SACS: variants seen among roughly 807,000 people sequenced by gnomAD.
SACS encodes the protein sacsin.
In SACS, 197 loss-of-function variants were observed where a neutral mutation model predicts 348.0. The ratio of observed to expected loss-of-function variants is 0.57; its 90% confidence interval spans 0.50 to 0.64. The LOEUF is 0.64. Among genes scored for constraint, SACS ranks in the 30% least tolerant of loss-of-function variants. SACS has a pLI of 0.00. For missense variants in SACS, 4,999 were observed against 5,360.8 expected (o/e 0.93, Z 2.11); for synonymous variants, 1,985 against 1,910.6 (o/e 1.04, Z -1.02).
At position 23,340,944 on chromosome 13, in the gene SACS, C is replaced by A; in HGVS notation, c.2932G>T (p.Ala978Ser). 6.2e-7 allele frequency: 1 copy of A among 1,613,972 alleles called. No individual in the cohort carries two copies. The highest frequency in any genetic ancestry group is 8.5e-7 in the Non-Finnish European group (1 of 1,179,888). ...DSSDEATIRL[A>S]NMLKIEQLKT... ...AACTGTTCTATTTTCAACATGTTTG[C>A]CAGACGAATAGTAGCTTCATCACTA... Residue 978 changes from alanine (A) to serine (S), a missense_variant, in exon 10 of 10, where the codon GCA (alanine) becomes TCA (serine). Ala to Ser is a moderately conservative substitution (Grantham distance 99). Transcript: ENST00000382292.
Position 23,332,500 on chromosome 13 carries a change from T to G in SACS, c.11376A>C (p.Arg3792=), listed in dbSNP as rs1883544819. 1 of 1,613,868 alleles carries G rather than the reference T, an allele frequency of 6.2e-7. No homozygotes were observed. Among genetic ancestry groups the G allele is most frequent in the South Asian group, 1.1e-5 (1 of 91,072 alleles). The change falls in exon 10 of 10, where the codon CGA becomes CGC. Residue 3792 remains arginine, a synonymous_variant. Transcript: ENST00000382292. Reference sequence around the variant, plus strand: ...CTTCTACCATCACAAAAGCAACCCCTCGCAACTGAAAACGAAATTCCCTTT... The same window carrying G: ...CTTCTACCATCACAAAAGCAACCCCGCGCAACTGAAAACGAAATTCCCTTT... ...AEKREFRFQL[R]GVAFVMVEDG...
rs1425494858 is a variant in SACS at position 23,329,890 on chromosome 13, C to T, written c.*246G>A. ...TATAAAGTGCAGTTCAATGATGTAT[C>T]ATCCCAATCATTCAAATCCATCCAG... On this transcript the variant is annotated 3_prime_UTR_variant, in exon 10 of 10. Transcript: ENST00000382292. 9 of 549,258 alleles carry T rather than the reference C, an allele frequency of 1.6e-5. No homozygotes were observed. The highest frequency in any genetic ancestry group is 2.9e-5 in the Non-Finnish European group (9 of 307,514). 34.0% of individuals were successfully genotyped at this position (549,258 alleles called of 1,614,324 possible). A position where few individuals can be genotyped will look rare whatever the true frequency, so the allele number is the denominator to read the frequency against.
rs1470127738 is a variant in SACS at position 23,332,531 on chromosome 13, G to A, written c.11345C>T (p.Ala3782Val). Reference protein sequence around the residue: ...VLRSIYEFLSAEKREFRFQLR... With the variant: ...VLRSIYEFLSVEKREFRFQLR... ...CTGAAAACGAAATTCCCTTTTTTCTGCACTGAGGAATTCATATATGCTCCT... is the reference window on the plus strand; with the variant it reads ...CTGAAAACGAAATTCCCTTTTTTCTACACTGAGGAATTCATATATGCTCCT... The change falls in exon 10 of 10, where the codon GCA becomes GTA. Residue 3782 changes from alanine to valine, a missense_variant. This residue lies in a region of SACS where 831 missense variants were observed against 941.8 expected (regional missense o/e 0.88). Transcript: ENST00000382292. 3 of 1,613,862 alleles carry A rather than the reference G, an allele frequency of 1.9e-6. No individual in the cohort carries two copies. Among genetic ancestry groups the A allele is most frequent in the East Asian group, 2.2e-5 (1 of 44,872 alleles).
Position 23,329,285 on chromosome 13 carries a change from CAA to C in SACS, c.*849_*850del, listed in dbSNP as rs1447515178. On this transcript the variant is annotated 3_prime_UTR_variant, in exon 10 of 10. Coordinates refer to ENST00000382292, the MANE Select transcript of SACS (RefSeq NM_014363.6). ...TTTTAACTGCAGCACCTTTAGACAA[CAA>C]AAGATTGCATCCTGTTCAACCACAC... 4 of 571,344 alleles carry C rather than the reference CAA, an allele frequency of 7.0e-6. No homozygotes were observed. The highest frequency in any genetic ancestry group is 6.2e-6 in the Non-Finnish European group (2 of 321,092). 35.4% of individuals were successfully genotyped at this position (571,344 alleles called of 1,614,324 possible). A position where few individuals can be genotyped will look rare whatever the true frequency, so the allele number is the denominator to read the frequency against.
Position 23,365,174 on chromosome 13 carries a change from G to A in SACS, c.449C>T (p.Pro150Leu), listed in dbSNP as rs1834980926. The part of the protein sequence containing the change: ...TETLWSKDMA[P>L]YQGPALYVYN... ...TAATTATTGATTCTTACCCTGATAT[G>A]GCGCCATATCTTTTGACCAAAGAGT... Residue 150 changes from proline to leucine, a missense_variant, in exon 6 of 10, where the codon CCA (proline) becomes CTA (leucine). Pro to Leu is a moderately conservative substitution (Grantham distance 98, BLOSUM62 -3). Coordinates refer to ENST00000382292, the MANE Select transcript of SACS (RefSeq NM_014363.6). The A allele has an allele frequency of 1.9e-6, 3 of 1,605,880 alleles. No homozygotes were observed. The highest frequency in any genetic ancestry group is 2.7e-5 in the African/African-American group (2 of 74,784).
chr13:23,401,679 C>G (rs1009981386), intron 2 of SACS, among the ~76,000 whole-genome samples: 3 of 152,246 alleles, frequency 2.0e-5, no homozygotes, highest in African/African-American at 7.2e-5. Flanking sequence ...TTCATTAGCT[C>G]TTTAACCGTC....
At position 23,339,628 on chromosome 13, in the gene SACS, C is replaced by A; in HGVS notation, c.4248G>T (p.Val1416=). The part of the protein sequence containing the change: ...DDLNDLLEDS[V]EPIILVHEDI... ...CCTCATGCACCAAAATGATTGGTTCCACAGAATCTTCAAGTAAGTCATTAA... is the reference window on the plus strand; with the variant it reads ...CCTCATGCACCAAAATGATTGGTTCAACAGAATCTTCAAGTAAGTCATTAA... Residue 1416 remains valine (V), a synonymous_variant, in exon 10 of 10, where the codon GTG becomes GTT. Transcript: ENST00000382292. 6.2e-7 allele frequency: 1 copy of A among 1,611,668 alleles called. No homozygotes were observed. The highest frequency in any genetic ancestry group is 2.2e-5 in the East Asian group (1 of 44,800).
chr13:23,390,438 T>C (rs1872486299), intron 2 of SACS, among the ~76,000 whole-genome samples: 1 of 152,166 alleles, frequency 6.6e-6, no homozygotes, highest in African/African-American at 2.4e-5. Context: ...GGTAGGCACA[T>C]TGCTTGAGTT....
intron 2 of SACS, among the ~76,000 whole-genome samples, chr13:23,410,982 G>A (rs1017924366): frequency 2.6e-5 from 4 of 152,144 alleles, no homozygotes; most frequent in African/African-American, 9.7e-5. Context: ...CATTGCAATA[G>A]CCTCACCAGT....
At chr13:23,383,678 T>A (rs1297063515) in intron 2 of SACS, among the ~76,000 whole-genome samples, 1 of 152,142 alleles carries the variant, frequency 6.6e-6, no homozygotes, top group Non-Finnish European at 1.5e-5. Context: ...CAAAATTGTC[T>A]CTCTCCCCCC....
chr13:23,411,978 G>T (rs558630378), intron 1 of SACS, among the ~76,000 whole-genome samples: 1 of 152,182 alleles, frequency 6.6e-6, no homozygotes, highest in African/African-American at 2.4e-5. Flanking sequence ...AAAGTACATC[G>T]GCCGGGCGCG....
At chr13:23,412,407 CTTTTTTTTT>C (rs372385214) in intron 1 of SACS, among the ~76,000 whole-genome samples, 3 of 120,516 alleles carry the variant, frequency 2.5e-5, no homozygotes, top group Non-Finnish European at 3.4e-5. Flanking sequence ...AATCCAAACC[CTTTTTTTTT>C]TTTTTTTTTT....
At chr13:23,348,740 G>T (rs886350432) in intron 9 of SACS, among the ~76,000 whole-genome samples, 1 of 152,308 alleles carries the variant, frequency 6.6e-6, no homozygotes, top group East Asian at 1.9e-4. Flanking sequence ...GGGCAAAGTA[G>T]AGGATGGAAA....
At chr13:23,388,432 A>G (rs1872391179) in intron 2 of SACS, among the ~76,000 whole-genome samples, 1 of 147,648 alleles carries the variant, frequency 6.8e-6, no homozygotes. Flanking sequence ...GTATATATAT[A>G]TATATGGTAC....
At chr13:23,375,559 G>A in intron 2 of SACS, 1 of 1,041,716 alleles carries the variant, frequency 9.6e-7, no homozygotes, top group Non-Finnish European at 1.2e-6. Flanking sequence ...GGCGGGGACT[G>A]CGCGCTCCCG....
intron 1 of SACS, among the ~76,000 whole-genome samples, chr13:23,413,331 G>T (rs1301721091): frequency 2.0e-5 from 3 of 152,278 alleles, no homozygotes; most frequent in Admixed American, 2.0e-4. Flanking sequence ...TGCACTTTCT[G>T]CCCATTCATT....
intron 2 of SACS, among the ~76,000 whole-genome samples, chr13:23,376,234 G>A (rs1871794509): frequency 6.6e-6 from 1 of 152,184 alleles, no homozygotes; most frequent in Admixed American, 6.5e-5. Flanking sequence ...CAAGCTCCTT[G>A]AAAGCAGGAA....
chr13:23,360,260 A>G (rs560143118), intron 6 of SACS, among the ~76,000 whole-genome samples: 35 of 152,258 alleles, frequency 2.3e-4, no homozygotes, highest in Admixed American at 1.4e-3. Context: ...TATGTAATAT[A>G]TAATTTTACA....
chr13:23,346,411 T>C (rs901054164), intron 9 of SACS, among the ~76,000 whole-genome samples: 1 of 152,234 alleles, frequency 6.6e-6, no homozygotes, highest in Non-Finnish European at 1.5e-5. Context: ...CCCAAAATGC[T>C]GGGATTACAG....
Sources: allele counts gnomAD v4.1 joint callset (sites outside exome capture counted in the v4.1 genomes callset), GRCh38; gene constraint gnomAD v4.1.1; regional missense constraint gnomAD v4.1.1; transcripts MANE v1.5; gene names NCBI Gene and HGNC (gene_info 2026-07-23, HGNC 2026-07-21).